The following DLG2 variants were observed in gnomAD, a reference collection of about 807,000 sequenced individuals.
DLG2 encodes disks large homolog 2.
A neutral mutation model predicts 132.5 loss-of-function variants in DLG2; 45 were observed. The observed-to-expected ratio is 0.34, with a 90% confidence interval of 0.27 to 0.44. The LOEUF (loss-of-function observed/expected upper bound fraction) is 0.44, where lower values mean the gene tolerates loss of function less well. Ranked by LOEUF, DLG2 falls within the 20% of genes least tolerant of loss-of-function variation. The probability of loss-of-function intolerance (pLI) is 1.00; values close to 1 mark genes in which losing one functional copy is unlikely to be tolerated. For missense variants in DLG2, 1,045 were observed against 1,196.9 expected (o/e 0.87, Z 1.87); for synonymous variants, 424 against 419.6 (o/e 1.01, Z -0.13).
intron 4 of DLG2, among the ~76,000 whole-genome samples, chr11:85,245,552 T>G (rs2076091566): frequency 6.6e-6 from 1 of 152,042 alleles, no homozygotes; most frequent in Non-Finnish European, 1.5e-5. Flanking sequence ...TACAATGGCT[T>G]TTGGCCTACT....
intron 15 of DLG2, among the ~76,000 whole-genome samples, chr11:83,918,516 A>G (rs2077291632): frequency 6.6e-6 from 1 of 152,182 alleles, no homozygotes; most frequent in African/African-American, 2.4e-5. Flanking sequence ...TGTTAATGCT[A>G]CTTAACAACA....
intron 18 of DLG2, among the ~76,000 whole-genome samples, chr11:83,734,064 T>C (rs948124024): frequency 6.6e-6 from 1 of 152,170 alleles, no homozygotes; most frequent in Non-Finnish European, 1.5e-5. Context: ...TGGCTTCCAG[T>C]TGCAACCATA....
chr11:85,465,513 T>C (rs953187994), intron 3 of DLG2, among the ~76,000 whole-genome samples: 6 of 152,136 alleles, frequency 3.9e-5, no homozygotes, highest in East Asian at 1.9e-4. Flanking sequence ...TGTCCATGTG[T>C]TCTCATTGTT....
intron 4 of DLG2, among the ~76,000 whole-genome samples, chr11:85,224,641 T>C (rs1307957515): frequency 1.3e-5 from 2 of 152,196 alleles, no homozygotes; most frequent in Non-Finnish European, 2.9e-5. Flanking sequence ...CTATGGTTGA[T>C]AGGGTTATGA....
chr11:83,977,527 A>G (rs1400083886), intron 12 of DLG2, among the ~76,000 whole-genome samples: 3 of 152,050 alleles, frequency 2.0e-5, no homozygotes, highest in Non-Finnish European at 2.9e-5. Flanking sequence ...TTTTGCCCTT[A>G]AGTAGTTTTG....
intron 7 of DLG2, among the ~76,000 whole-genome samples, chr11:84,398,479 A>G (rs2098818400): frequency 6.6e-6 from 1 of 152,192 alleles, no homozygotes; most frequent in Non-Finnish European, 1.5e-5. Context: ...ATCCACTTGT[A>G]CCCTGAAAAC....
chr11:85,414,168 A>G (rs1343305522), intron 3 of DLG2, among the ~76,000 whole-genome samples: 1 of 152,010 alleles, frequency 6.6e-6, no homozygotes, highest in African/African-American at 2.4e-5. Context: ...CTATTGTAAA[A>G]GGGGTTGAGT....
At chr11:83,995,152 C>T (rs760616694) in intron 11 of DLG2, among the ~76,000 whole-genome samples, 1 of 152,028 alleles carries the variant, frequency 6.6e-6, no homozygotes, top group South Asian at 2.1e-4. Context: ...ACTCATAATA[C>T]TGGAACTGGG....
At chr11:83,872,492 T>C (rs1463536595) in intron 16 of DLG2, among the ~76,000 whole-genome samples, 2 of 152,220 alleles carry the variant, frequency 1.3e-5, no homozygotes, top group Non-Finnish European at 1.5e-5. Context: ...TAGATCACTA[T>C]GAAGTTTATA....
At chr11:84,858,184 T>C (rs2083053425) in intron 6 of DLG2, among the ~76,000 whole-genome samples, 1 of 152,188 alleles carries the variant, frequency 6.6e-6, no homozygotes, top group East Asian at 1.9e-4. Context: ...TGAGCCACCA[T>C]GCCCAGCTAA....
In DLG2 at chr11:85,620,385, C is replaced by T. The variant is rs1232276910; in HGVS notation, c.-93+6202G>A. 2.0e-5 allele frequency among the ~76,000 whole-genome samples: 3 copies of T among 152,216 alleles called. No homozygotes were observed. In the South Asian group the frequency reaches 6.2e-4, roughly 32 times the overall value. On this transcript the variant is annotated intron_variant, in intron 2 of 27. Transcript: ENST00000376104. ...GGCCAATTAATAACTCTACCATGGC[C>T]TCTCAGTGTTCAAGTGAAAGGAAAC...
At chr11:84,135,516 G>A (rs1364316576) in intron 9 of DLG2, among the ~76,000 whole-genome samples, 1 of 152,070 alleles carries the variant, frequency 6.6e-6, no homozygotes, top group Non-Finnish European at 1.5e-5. Flanking sequence ...TTATGTCAGG[G>A]AAGGATCCTA....
intron 6 of DLG2, among the ~76,000 whole-genome samples, chr11:85,059,710 C>A (rs562210378): frequency 6.6e-6 from 1 of 151,524 alleles, no homozygotes; most frequent in Non-Finnish European, 1.5e-5. Context: ...ACAGGTGTAA[C>A]TAATTTGTCA....
intron 9 of DLG2, among the ~76,000 whole-genome samples, chr11:84,133,000 A>C (rs1224484019): frequency 1.3e-5 from 2 of 152,088 alleles, no homozygotes; most frequent in African/African-American, 4.8e-5. Context: ...AGCTATATTT[A>C]CAGAAGTAGG....
At chr11:83,810,361 GTA>G (rs2046948456) in intron 17 of DLG2, among the ~76,000 whole-genome samples, 1 of 152,084 alleles carries the variant, frequency 6.6e-6, no homozygotes, top group Non-Finnish European at 1.5e-5. Context: ...GTGTGTGTGT[GTA>G]TGTATACATG....
At chr11:83,689,554 T>C (rs1013080580) in intron 18 of DLG2, among the ~76,000 whole-genome samples, 1 of 152,170 alleles carries the variant, frequency 6.6e-6, no homozygotes, top group Non-Finnish European at 1.5e-5. Context: ...TAAACCTTGG[T>C]TCCTCATCTA....
chr11:85,291,788 T>G (rs377280104), intron 3 of DLG2, among the ~76,000 whole-genome samples: 4 of 152,126 alleles, frequency 2.6e-5, no homozygotes, highest in African/African-American at 9.6e-5. Context: ...TTTCACCACA[T>G]TGGGCAGGCT....
At chr11:84,793,750 A>T (rs767520565) in intron 6 of DLG2, among the ~76,000 whole-genome samples, 1 of 152,084 alleles carries the variant, frequency 6.6e-6, no homozygotes, top group Admixed American at 6.5e-5. Context: ...TTCCATTAGC[A>T]TGGAATATCT....
At chr11:85,525,824 GA>G (rs1182090243) in intron 3 of DLG2, among the ~76,000 whole-genome samples, 8 of 152,180 alleles carry the variant, frequency 5.3e-5, no homozygotes, top group African/African-American at 1.9e-4. Flanking sequence ...GGAATCTGCA[GA>G]GATCAAGGCA....
Sources: allele counts gnomAD v4.1 joint callset (sites outside exome capture counted in the v4.1 genomes callset), GRCh38; gene constraint gnomAD v4.1.1; transcripts MANE v1.5; gene names NCBI Gene and HGNC (gene_info 2026-07-23, HGNC 2026-07-21).